RARB: variants seen among roughly 807,000 people sequenced by gnomAD.
RARB encodes the protein retinoic acid receptor beta.
RARB carries 17 observed loss-of-function variants against 51.9 expected under a neutral mutation model. That is an observed-to-expected ratio of 0.33 (90% CI 0.22 to 0.49). RARB has a LOEUF of 0.49. RARB is among the 20% of genes least tolerant of loss of function. The pLI is 0.99. For synonymous variants in RARB, 215 were observed against 195.4 expected (o/e 1.10, Z -0.84); for missense variants, 369 against 550.8 (o/e 0.67, Z 3.30).
intron 5 of RARB, among the ~76,000 whole-genome samples, chr3:25,246,098 G>A (rs1702553641): frequency 6.6e-6 from 1 of 151,676 alleles, no homozygotes; most frequent in South Asian, 2.1e-4. Flanking sequence ...CCTGTCTTAT[G>A]CTTGATCGAT....
At chr3:25,056,126 A>G (rs1036291361) in intron 2 of RARB, among the ~76,000 whole-genome samples, 4 of 152,144 alleles carry the variant, frequency 2.6e-5, no homozygotes, top group Non-Finnish European at 4.4e-5. Context: ...CAGGGGGTCA[A>G]GAGATCTATT....
At chr3:24,966,533 CT>C (rs1321427643) in intron 2 of RARB, among the ~76,000 whole-genome samples, 1 of 151,666 alleles carries the variant, frequency 6.6e-6, no homozygotes, top group East Asian at 1.9e-4. Flanking sequence ...TAGCACACTC[CT>C]TCGTCTGATT....
At chr3:25,402,316 G>A (rs1707285478) in intron 5 of RARB, among the ~76,000 whole-genome samples, 3 of 152,120 alleles carry the variant, frequency 2.0e-5, no homozygotes, top group Admixed American at 2.0e-4. Flanking sequence ...ATGCTGGCAA[G>A]GATGTGGAGA....
At chr3:25,349,756 A>G (rs542394239) in intron 5 of RARB, among the ~76,000 whole-genome samples, 20 of 152,206 alleles carry the variant, frequency 1.3e-4, no homozygotes, top group African/African-American at 4.6e-4. Flanking sequence ...TTTTTCAATA[A>G]TTATTGCTGA....
chr3:25,445,592 A>G (rs1038607623), intron 1 of RARB, among the ~76,000 whole-genome samples: 1 of 152,100 alleles, frequency 6.6e-6, no homozygotes, highest in African/African-American at 2.4e-5. Flanking sequence ...GCTTGAGCCC[A>G]GGAGGCAGGG....
At chr3:25,135,119 A>G (rs1366646152) in intron 4 of RARB, among the ~76,000 whole-genome samples, 1 of 151,188 alleles carries the variant, frequency 6.6e-6, no homozygotes, top group Non-Finnish European at 1.5e-5. Context: ...TTTGAAGCAC[A>G]CTATCCAGAA....
intron 5 of RARB, among the ~76,000 whole-genome samples, chr3:25,307,462 A>G (rs966102804): frequency 6.6e-6 from 1 of 152,168 alleles, no homozygotes; most frequent in African/African-American, 2.4e-5. Flanking sequence ...GTTACTGCCA[A>G]TCTCAGAAGT....
intron 5 of RARB, among the ~76,000 whole-genome samples, chr3:25,199,396 C>G (rs935150525): frequency 1.3e-5 from 2 of 151,982 alleles, no homozygotes; most frequent in Admixed American, 6.6e-5. Context: ...GACAGCAAAA[C>G]AGAGCGATTA....
intron 2 of RARB, among the ~76,000 whole-genome samples, chr3:24,925,463 CA>C (rs1447859740): frequency 6.6e-6 from 1 of 151,590 alleles, no homozygotes; most frequent in Non-Finnish European, 1.5e-5. Context: ...GGAAATACGG[CA>C]AAACCCTGTC....
chr3:25,337,336 A>G (rs1575322819), intron 5 of RARB, among the ~76,000 whole-genome samples: 1 of 152,208 alleles, frequency 6.6e-6, no homozygotes, highest in Non-Finnish European at 1.5e-5. Context: ...CAGAATCCTA[A>G]TCACAACCAT....
intron 5 of RARB, among the ~76,000 whole-genome samples, chr3:25,217,402 T>G (rs1701857576): frequency 6.6e-6 from 1 of 152,148 alleles, no homozygotes; most frequent in Non-Finnish European, 1.5e-5. Context: ...GAGAATGTTT[T>G]TATGGTTACA....
chr3:25,452,544 A>G (rs1246357916), intron 1 of RARB, among the ~76,000 whole-genome samples: 1 of 152,228 alleles, frequency 6.6e-6, no homozygotes, highest in African/African-American at 2.4e-5. Flanking sequence ...GTTAAAAGCA[A>G]GAGAATTACA....
intron 1 of RARB, among the ~76,000 whole-genome samples, chr3:24,853,864 C>T (rs911353052): frequency 2.0e-5 from 3 of 152,188 alleles, no homozygotes; most frequent in African/African-American, 7.2e-5. Context: ...TAATTGGCAG[C>T]ACCTGGAAGA....
chr3:25,354,672 C>G (rs1376429014), intron 5 of RARB, among the ~76,000 whole-genome samples: 1 of 152,088 alleles, frequency 6.6e-6, no homozygotes, highest in African/African-American at 2.4e-5. Flanking sequence ...CCCCACTTAA[C>G]TATTCTGAGT....
chr3:25,123,536 C>T (rs1351865584), intron 3 of RARB, among the ~76,000 whole-genome samples: 1 of 152,158 alleles, frequency 6.6e-6, no homozygotes, highest in Non-Finnish European at 1.5e-5. Flanking sequence ...GAAATATTCC[C>T]CTGTGGGAGA....
chr3:25,133,460 C>G (rs1327837410), intron 4 of RARB, among the ~76,000 whole-genome samples: 3 of 151,952 alleles, frequency 2.0e-5, no homozygotes, highest in Non-Finnish European at 2.9e-5. Context: ...AGGATAGTAA[C>G]TGTAAGCACA....
At position 25,452,450 on chromosome 3, in the gene RARB, TACTC is replaced by T. The variant is rs775329911; in HGVS notation, c.158-8742_158-8739del. ...AGAGTGATTAGTGGGTCCTGAGTCT[TACTC>T]TCTTTCTAAGGCCCAAACTATCTTG... is the stretch of plus-strand genomic sequence containing the variant. On this transcript the variant is annotated intron_variant, in intron 1 of 7. Transcript: ENST00000330688. 3.4e-4 allele frequency among the ~76,000 whole-genome samples: 52 copies of T among 152,148 alleles called. 2 individuals carry two copies. Among genetic ancestry groups the T allele is most frequent in the Admixed American group, 1.4e-3 (22 of 15,280 alleles).
intron 3 of RARB, among the ~76,000 whole-genome samples, chr3:25,556,208 T>C (rs1357475061): frequency 6.6e-6 from 1 of 152,186 alleles, no homozygotes; most frequent in African/African-American, 2.4e-5. Flanking sequence ...TTTTGTGAAC[T>C]AAATAGGATT....
At chr3:25,160,438 G>A (rs1700455497) in intron 4 of RARB, among the ~76,000 whole-genome samples, 1 of 152,176 alleles carries the variant, frequency 6.6e-6, no homozygotes. Flanking sequence ...CCCTGCTGCA[G>A]CATTGCAGGG....
Sources: allele counts gnomAD v4.1 joint callset (sites outside exome capture counted in the v4.1 genomes callset), GRCh38; gene constraint gnomAD v4.1.1; transcripts MANE v1.5; gene names NCBI Gene and HGNC (gene_info 2026-07-23, HGNC 2026-07-21).